The following PARD3B variants were observed in gnomAD, a reference collection of about 807,000 sequenced individuals.
The protein encoded by PARD3B is par-3 family cell polarity regulator beta.
PARD3B carries 103 observed loss-of-function variants against 130.2 expected under a neutral mutation model. That is an observed-to-expected ratio of 0.79 (90% confidence interval 0.67 to 0.93). The LOEUF (loss-of-function observed/expected upper bound fraction) is 0.93. PARD3B is among the 40% of genes least tolerant of loss of function. The pLI is 0.00. For synonymous variants in PARD3B, 583 were observed against 553.2 expected (o/e 1.05, Z -0.76); for missense variants, 1,609 against 1,499.2 (o/e 1.07, Z -1.21).
At chr2:205,338,826 G>A (rs182070532) in intron 18 of PARD3B, among the ~76,000 whole-genome samples, 4 of 152,272 alleles carry the variant, frequency 2.6e-5, no homozygotes, top group Admixed American at 2.0e-4. Flanking sequence ...CAGAGGACAT[G>A]GGTTGGAGTT....
chr2:204,563,257 C>CTCTCTCTCTCTCTCTCTCTT (rs1553542030), intron 1 of PARD3B, among the ~76,000 whole-genome samples: 9 of 142,768 alleles, frequency 6.3e-5, no homozygotes, highest in African/African-American at 2.2e-4. Flanking sequence ...CTCTCTCTCT[C>CTCTCTCTCTCTCTCTCTCTT]TCTCTCTCTT....
At chr2:205,425,941 A>G (rs1475818645) in intron 19 of PARD3B, among the ~76,000 whole-genome samples, 1 of 152,184 alleles carries the variant, frequency 6.6e-6, no homozygotes, top group Non-Finnish European at 1.5e-5. Flanking sequence ...ACATTAAAAA[A>G]TTTGCATGTC....
chr2:205,192,407 G>T (rs13398318), intron 14 of PARD3B, among the ~76,000 whole-genome samples: 1 of 152,182 alleles, frequency 6.6e-6, no homozygotes, highest in South Asian at 2.1e-4. Flanking sequence ...AAACAGATGA[G>T]AGTGCCAAGG....
In PARD3B at chr2:205,253,410, T is replaced by C. The variant is rs1440559738; in HGVS notation, c.2185+7588T>C. Reference sequence around the variant, plus strand: ...ACCCATGGCCATACGTTTGGTCTTCTTGGCCTTGGCTGGGCTGGTGGATGG... The same window carrying C: ...ACCCATGGCCATACGTTTGGTCTTCCTGGCCTTGGCTGGGCTGGTGGATGG... On this transcript the variant is annotated intron_variant, in intron 16 of 22. Transcript: ENST00000406610. This position sits in a 1 kb window ranked among gnomAD's most constrained non-coding sequence, Gnocchi z 4.4. The C allele has an allele frequency of 1.8e-6, 1 of 567,368 alleles. No homozygotes were observed. Among genetic ancestry groups the C allele is most frequent in the African/African-American group, 1.9e-5 (1 of 52,896 alleles). The allele number at this position is 567,368 out of a possible 1,614,324, so 35.1% of individuals were successfully genotyped here.
intron 1 of PARD3B, among the ~76,000 whole-genome samples, chr2:204,676,031 C>T (rs542857547): frequency 4.0e-5 from 6 of 150,920 alleles, no homozygotes; most frequent in Non-Finnish European, 8.8e-5. Flanking sequence ...GGCCTATTCT[C>T]GGTGGTCTCT....
chr2:204,719,615 A>G (rs1045749422), intron 2 of PARD3B, among the ~76,000 whole-genome samples: 2 of 152,178 alleles, frequency 1.3e-5, no homozygotes, highest in Non-Finnish European at 2.9e-5. Context: ...CTTGCATGTT[A>G]CCAAACTTTG....
chr2:205,006,442 C>G (rs897063356), intron 3 of PARD3B, among the ~76,000 whole-genome samples: 8 of 152,096 alleles, frequency 5.3e-5, no homozygotes, highest in Admixed American at 3.3e-4. Flanking sequence ...TAAAAGCATC[C>G]CCTTTTCACT....
chr2:204,843,605 G>A (rs1033308611), intron 2 of PARD3B, among the ~76,000 whole-genome samples: 1 of 151,976 alleles, frequency 6.6e-6, no homozygotes, highest in Non-Finnish European at 1.5e-5. Context: ...AGCCAGGCCG[G>A]TCTCAAACTG....
At position 205,280,545 on chromosome 2, in the gene PARD3B, G is replaced by A. The variant is rs1166022591; in HGVS notation, c.2186-19985G>A. Among the ~76,000 whole-genome samples the A allele has an allele frequency of 1.3e-5, 2 of 152,116 alleles. No individual in the cohort carries two copies. Among genetic ancestry groups the A allele is most frequent in the African/African-American group, 4.8e-5 (2 of 41,412 alleles). Reference sequence around the variant, plus strand: ...TTCCTTCTCTTTTTTCTTAAGGGAGGGCTTTGGTTCTCAGAGAATATCAAA... The same window carrying A: ...TTCCTTCTCTTTTTTCTTAAGGGAGAGCTTTGGTTCTCAGAGAATATCAAA... On this transcript the variant is annotated intron_variant, in intron 16 of 22. Coordinates refer to ENST00000406610, the MANE Select transcript of PARD3B (RefSeq NM_001302769.2). This position sits in a 1 kb window ranked among gnomAD's most constrained non-coding sequence, Gnocchi z 4.7.
At chr2:204,701,299 C>T (rs1251623504) in intron 2 of PARD3B, among the ~76,000 whole-genome samples, 11 of 152,132 alleles carry the variant, frequency 7.2e-5, no homozygotes, top group Non-Finnish European at 1.6e-4. Context: ...GTGTAAAAAT[C>T]CTGGGATATT....
chr2:204,853,929 A>G (rs1183658672), intron 2 of PARD3B, among the ~76,000 whole-genome samples: 1 of 152,198 alleles, frequency 6.6e-6, no homozygotes, highest in African/African-American at 2.4e-5. Context: ...GGAGTTTTAT[A>G]TAAATAGAGT....
At chr2:204,885,921 A>G (rs2125679619) in intron 2 of PARD3B, among the ~76,000 whole-genome samples, 1 of 152,304 alleles carries the variant, frequency 6.6e-6, no homozygotes, top group South Asian at 2.1e-4. Flanking sequence ...AAGGGGGAAG[A>G]GCTTCTCAGC....
chr2:205,217,688 TTATATATATACACACATACA>T (rs904116755), intron 15 of PARD3B, among the ~76,000 whole-genome samples: 5 of 150,826 alleles, frequency 3.3e-5, no homozygotes, highest in South Asian at 2.1e-4. Flanking sequence ...GTTTTAAATT[TTATATATATACACACATACA>T]TATATATATA....
At chr2:205,059,199 A>T (rs1184590188) in intron 4 of PARD3B, among the ~76,000 whole-genome samples, 1 of 151,982 alleles carries the variant, frequency 6.6e-6, no homozygotes, top group Non-Finnish European at 1.5e-5. Context: ...TCTTTCCCCC[A>T]TTGAATGGTC....
chr2:205,020,974 T>C (rs780531973), intron 3 of PARD3B, among the ~76,000 whole-genome samples: 55 of 152,250 alleles, frequency 3.6e-4, no homozygotes, highest in Admixed American at 6.5e-4. Context: ...CAAGAACAGT[T>C]GAACTGGAAA....
chr2:205,292,014 C>T lies in PARD3B; in HGVS notation c.2186-8516C>T, dbSNP rs192860124. Among the ~76,000 whole-genome samples the T allele has an allele frequency of 1.3e-5, 2 of 152,298 alleles. No individual in the cohort carries two copies. Among genetic ancestry groups the T allele is most frequent in the African/African-American group, 2.4e-5 (1 of 41,564 alleles). ...GTGTCAAAGGAGGGGCTGCTGGTGC[C>T]CTCAGGACCTCAGTGCATGCTGCAT... On this transcript the variant is annotated intron_variant, in intron 16 of 22. Transcript: ENST00000406610. This position sits in a 1 kb window ranked among gnomAD's most constrained non-coding sequence, Gnocchi z 5.3.
Position 205,116,422 on chromosome 2 carries a change from G to A in PARD3B, c.681-2499G>A, listed in dbSNP as rs901762712. Among the ~76,000 whole-genome samples the A allele has an allele frequency of 6.6e-6, 1 of 152,126 alleles. No individual in the cohort carries two copies. Among genetic ancestry groups the A allele is most frequent in the Non-Finnish European group, 1.5e-5 (1 of 68,008 alleles). The stretch of plus-strand genomic sequence containing the variant: ...ACATTGGGAAAAGAACAGGAAGGGG[G>A]CAAGGAGAAGATGTTGGTGCCTAAA... On this transcript the variant is annotated intron_variant, in intron 6 of 22. Transcript: ENST00000406610. The surrounding 1 kb of genome is among the most constrained non-coding windows in gnomAD (Gnocchi z 4.5).
At chr2:205,455,418 G>A (rs1274190888) in intron 20 of PARD3B, among the ~76,000 whole-genome samples, 2 of 152,092 alleles carry the variant, frequency 1.3e-5, no homozygotes, top group South Asian at 2.1e-4. Flanking sequence ...TTAAGCTAAT[G>A]TAATATATGC....
At chr2:205,578,719 A>G (rs958960892) in intron 22 of PARD3B, among the ~76,000 whole-genome samples, 5 of 152,222 alleles carry the variant, frequency 3.3e-5, no homozygotes, top group African/African-American at 1.2e-4. Context: ...TCACATAATA[A>G]TTAGTGATTT....
Sources: gnomAD v4.1 joint callset for allele counts (sites outside exome capture counted in the v4.1 genomes callset) on GRCh38, gnomAD v4.1.1 for gene constraint, Gnocchi (gnomAD v3.1) non-coding constraint, MANE v1.5 for transcripts, NCBI Gene and HGNC (gene_info 2026-07-23, HGNC 2026-07-21) for gene names.